The following AKAP13 variants were observed in gnomAD, a reference collection of about 807,000 sequenced individuals.
The protein encoded by AKAP13 is A-kinase anchoring protein 13, also known as A-kinase anchor protein 13.
In AKAP13, 80 loss-of-function variants were observed where a neutral mutation model predicts 264.5. That is an observed-to-expected ratio of 0.30 (90% CI 0.25 to 0.36). The LOEUF (loss-of-function observed/expected upper bound fraction) is 0.36, where lower values mean the gene tolerates loss of function less well. AKAP13 is among the 10% of genes least tolerant of loss of function. The pLI, the probability that AKAP13 is intolerant of heterozygous loss-of-function variation, is 1.00. For synonymous variants in AKAP13, 1,380 were observed against 1,250.2 expected (o/e 1.10, Z -2.19); for missense variants, 3,712 against 3,435.2 (o/e 1.08, Z -2.01).
chr15:85,727,360 G>T lies in AKAP13; in HGVS notation c.7005-21G>T. The T allele has an allele frequency of 6.2e-7, 1 of 1,614,026 alleles. No individual in the cohort carries two copies. Among genetic ancestry groups the T allele is most frequent in the Non-Finnish European group, 8.5e-7 (1 of 1,179,970 alleles). ...TGACATCTTAGGAATTTTTTGTTCT[G>T]TCTTGTTTGGGTTGTATTAGGAACA... On this transcript the variant is annotated intron_variant, in intron 28 of 36. Transcript: ENST00000394518. The surrounding 1 kb of genome is among the most constrained non-coding windows in gnomAD (Gnocchi z 5.3).
rs1299067941 is a variant in AKAP13 at position 85,543,874 on chromosome 15, G to T, written c.581G>T (p.Ser194Ile). 2 of 1,614,046 alleles carry T rather than the reference G, an allele frequency of 1.2e-6. No homozygotes were observed. The highest frequency in any genetic ancestry group is 2.2e-5 in the East Asian group (1 of 44,898). The change falls in exon 5 of 37, where the codon AGT becomes ATT. Residue 194 changes from serine to isoleucine, a missense_variant. Around this residue, in one of 3 missense-constraint regions of AKAP13, gnomAD observed 2,759 missense variants for 2,411.7 expected, o/e 1.14. Transcript: ENST00000394518. ...AAGCCAGGTGGCCGCGGAGCTCTCA[G>T]TATCCACAACCAGGAAGGGGCGACG... ...LQKPGGRGAL[S>I]IHNQEGATPV...
At chr15:85,659,775 C>G (rs1376161682) in intron 12 of AKAP13, among the ~76,000 whole-genome samples, 6 of 152,034 alleles carry the variant, frequency 3.9e-5, no homozygotes, top group African/African-American at 1.4e-4. Context: ...CCTAGTGAAA[C>G]TTATTTTTGT....
intron 1 of AKAP13, among the ~76,000 whole-genome samples, chr15:85,477,062 C>T (rs1288814604): frequency 6.6e-6 from 1 of 151,960 alleles, no homozygotes; most frequent in Non-Finnish European, 1.5e-5. Flanking sequence ...CTTTTCTCTC[C>T]CTTTCTCGAG....
intron 4 of AKAP13, among the ~76,000 whole-genome samples, chr15:85,539,738 C>T (rs2077522291): frequency 6.6e-6 from 1 of 152,146 alleles, no homozygotes; most frequent in African/African-American, 2.4e-5. Context: ...CATTTTCTGC[C>T]TTCCTTCTCT....
chr15:85,521,713 A>G (rs976405690), intron 3 of AKAP13, 138 bp downstream of exon 3: 2 of 950,766 alleles, frequency 2.1e-6, no homozygotes, highest in African/African-American at 1.7e-5. Context: ...AGCAGTTTGA[A>G]TATCTGGTCC....
chr15:85,621,040 G>A (rs2081163581), intron 8 of AKAP13, among the ~76,000 whole-genome samples: 1 of 152,240 alleles, frequency 6.6e-6, no homozygotes, highest in African/African-American at 2.4e-5. Flanking sequence ...AACTGAACTT[G>A]TGAGGGTGTA....
At chr15:85,462,233 C>T (rs1169232678) in intron 1 of AKAP13, among the ~76,000 whole-genome samples, 1 of 152,158 alleles carries the variant, frequency 6.6e-6, no homozygotes, top group Non-Finnish European at 1.5e-5. Context: ...CTTGTCCCAT[C>T]AATCACAGTC....
intron 1 of AKAP13, among the ~76,000 whole-genome samples, chr15:85,396,793 A>G (rs2071134088): frequency 6.6e-6 from 1 of 152,088 alleles, no homozygotes; most frequent in Non-Finnish European, 1.5e-5. Context: ...ACCTTTTATT[A>G]AGCACTTTTA....
At chr15:85,403,820 C>A (rs2071540590) in intron 1 of AKAP13, among the ~76,000 whole-genome samples, 1 of 149,258 alleles carries the variant, frequency 6.7e-6, no homozygotes, top group African/African-American at 2.5e-5. Context: ...CGCATGCCAT[C>A]CTGGGCAACA....
rs760327903 is a variant in AKAP13, at chr15:85,581,203, T to C, written c.3135T>C (p.Cys1045=). The part of the protein sequence containing the change: ...AEHNSSALLP[C]LLPDGSDGSD... ...ACAACAGCTCCGCTCTGTTGCCATG[T>C]CTGTTGCCAGATGGGTCTGATGGGT... Residue 1045 remains cysteine (C), a synonymous_variant, in exon 7 of 37, where the codon TGT becomes TGC. Coordinates refer to ENST00000394518, the MANE Select transcript of AKAP13 (RefSeq NM_007200.5). 1.2e-6 allele frequency: 2 copies of C among 1,614,144 alleles called. No individual in the cohort carries two copies. Among genetic ancestry groups the C allele is most frequent in the Non-Finnish European group, 1.7e-6 (2 of 1,180,006 alleles).
chr15:85,433,586 C>T (rs1444575909), intron 1 of AKAP13, among the ~76,000 whole-genome samples: 1 of 152,036 alleles, frequency 6.6e-6, no homozygotes, highest in African/African-American at 2.4e-5. Flanking sequence ...TGGGGACTTC[C>T]TGATCATCCC....
At chr15:85,552,772 C>T (rs960264990) in intron 5 of AKAP13, among the ~76,000 whole-genome samples, 4 of 151,850 alleles carry the variant, frequency 2.6e-5, no homozygotes, top group Admixed American at 6.6e-5. Flanking sequence ...GAACTACAGG[C>T]GTGTGCCACC....
intron 1 of AKAP13, among the ~76,000 whole-genome samples, chr15:85,419,712 T>G (rs897079399): frequency 6.6e-6 from 1 of 152,202 alleles, no homozygotes; most frequent in African/African-American, 2.4e-5. Flanking sequence ...TTTAAAAAGC[T>G]TGAAAGATAG....
chr15:85,637,104 T>C (rs1388566058), intron 8 of AKAP13, among the ~76,000 whole-genome samples: 4 of 152,262 alleles, frequency 2.6e-5, no homozygotes, highest in Non-Finnish European at 5.9e-5. Context: ...TGAGGAATAT[T>C]GATCTATAGT....
At chr15:85,603,000 C>T (rs2080160734) in intron 8 of AKAP13, among the ~76,000 whole-genome samples, 1 of 152,196 alleles carries the variant, frequency 6.6e-6, no homozygotes, top group Non-Finnish European at 1.5e-5. Flanking sequence ...ATAGTGACGA[C>T]TACAGGCTTT....
chr15:85,504,972 C>CTG (rs1378058931), intron 2 of AKAP13, among the ~76,000 whole-genome samples: 6 of 151,978 alleles, frequency 3.9e-5, no homozygotes, highest in Middle Eastern at 3.4e-3. Context: ...CTCTCACTCT[C>CTG]TGTGTGTGTG....
intron 10 of AKAP13, among the ~76,000 whole-genome samples, chr15:85,651,830 C>T (rs1332406946): frequency 6.6e-6 from 1 of 152,158 alleles, no homozygotes; most frequent in African/African-American, 2.4e-5. Flanking sequence ...TAAATGGAAT[C>T]TAAATAATAT....
At chr15:85,543,409 A>G (rs1240195860) in intron 4 of AKAP13, among the ~76,000 whole-genome samples, 2 of 152,148 alleles carry the variant, frequency 1.3e-5, no homozygotes, top group Non-Finnish European at 2.9e-5. Context: ...TGCTTCTGTT[A>G]TTATTATTTG....
intron 8 of AKAP13, among the ~76,000 whole-genome samples, chr15:85,591,982 A>G (rs1257502616): frequency 1.3e-5 from 2 of 152,146 alleles, no homozygotes; most frequent in Non-Finnish European, 2.9e-5. Flanking sequence ...GCTACTGGGA[A>G]AATCTACTCT....
Sources: gnomAD v4.1 joint callset for allele counts (sites outside exome capture counted in the v4.1 genomes callset) on GRCh38, gnomAD v4.1.1 for gene constraint, gnomAD v4.1.1 regional missense constraint, Gnocchi (gnomAD v3.1) non-coding constraint, MANE v1.5 for transcripts, NCBI Gene and HGNC (gene_info 2026-07-23, HGNC 2026-07-21) for gene names.